The following NUP62CL variants were observed in gnomAD, a reference collection of about 807,000 sequenced individuals.
NUP62CL encodes nucleoporin-62 C-terminal-like protein.
A neutral mutation model predicts 15.3 loss-of-function variants in NUP62CL; 13 were observed. That is an observed-to-expected ratio of 0.85 (90% CI 0.55 to 1.35). The LOEUF is 1.35. Among genes scored for constraint, NUP62CL ranks in the 40% most tolerant of loss-of-function variants. The probability of loss-of-function intolerance (pLI) is 0.00; values close to 1 mark genes in which losing one functional copy is unlikely to be tolerated. For missense variants in NUP62CL, 123 were observed against 130.6 expected (o/e 0.94, Z 0.28); for synonymous variants, 54 against 49.2 (o/e 1.10, Z -0.41).
In NUP62CL at chrX:107,147,751, C is replaced by T. The variant is rs1054464668; in HGVS notation, c.*34G>A. The T allele has an allele frequency of 9.4e-6, 11 of 1,170,611 alleles. No homozygotes were observed. Among genetic ancestry groups the T allele is most frequent in the South Asian group, 1.8e-5 (1 of 55,537 alleles). On this transcript the variant is annotated 3_prime_UTR_variant, in exon 8 of 9. Transcript: ENST00000372466. ...TACAAGCAAACTCCCACCTGAATTC[C>T]GATCAATCCACTGCAGGGAGTCCAT...
intron 8 of NUP62CL, among the ~76,000 whole-genome samples, chrX:107,137,069 CATAAA>C (rs1417955298): frequency 9.0e-6 from 1 of 111,633 alleles, no homozygotes; most frequent in African/African-American, 3.3e-5. Flanking sequence ...TGTCTCAAAA[CATAAA>C]ATAAAATAAA....
chrX:107,153,202 A>G lies in NUP62CL; in HGVS notation c.500T>C (p.Leu167Pro). The stretch of plus-strand genomic sequence containing the variant: ...CACATGCTCCTCATCTGCATCCTGC[A>G]GATAATGAAGTCCACTCTGGTCACG... Reference protein sequence around the residue: ...STRDQSGLHYLQDADEEHVEI... With the variant: ...STRDQSGLHYPQDADEEHVEI... Residue 167 changes from leucine (L) to proline (P), a missense_variant, in exon 7 of 9, where the codon CTG becomes CCG. Coordinates refer to ENST00000372466, the MANE Select transcript of NUP62CL (RefSeq NM_017681.3). The G allele has an allele frequency of 8.3e-7, 1 of 1,206,363 alleles. No homozygotes were observed. Among genetic ancestry groups the G allele is most frequent in the Non-Finnish European group, 1.1e-6 (1 of 893,621 alleles).
At chrX:107,204,842 T>G (rs1318271271) in intron 1 of NUP62CL, among the ~76,000 whole-genome samples, 2 of 73,894 alleles carry the variant, frequency 2.7e-5, no homozygotes, top group African/African-American at 1.7e-4. Flanking sequence ...TTTAAATAAA[T>G]TATTTATTTA....
intron 4 of NUP62CL, among the ~76,000 whole-genome samples, chrX:107,162,538 T>G (rs1271768301): frequency 9.0e-6 from 1 of 111,673 alleles, no homozygotes; most frequent in African/African-American, 3.3e-5. Context: ...GACACCAGAT[T>G]TCTCGTCTAA....
At chrX:107,173,556 C>T (rs1926699122) in intron 3 of NUP62CL, among the ~76,000 whole-genome samples, 2 of 111,925 alleles carry the variant, frequency 1.8e-5, no homozygotes, top group South Asian at 7.6e-4. Context: ...CAAGTTTTGA[C>T]TGAACATGGA....
chrX:107,150,738 G>T (rs1005534456), intron 7 of NUP62CL: 2 of 280,202 alleles, frequency 7.1e-6, no homozygotes, highest in Non-Finnish European at 1.4e-5. Flanking sequence ...GCCTAAAACA[G>T]TTCTCTTGCC....
intron 2 of NUP62CL, among the ~76,000 whole-genome samples, chrX:107,185,353 TTTC>T (rs1205785223): frequency 1.8e-5 from 2 of 111,513 alleles, no homozygotes; most frequent in African/African-American, 6.5e-5. Flanking sequence ...TACCTTCAGT[TTTC>T]TTAATTATGT....
At chrX:107,133,260 T>C (rs1480459057) in intron 8 of NUP62CL, among the ~76,000 whole-genome samples, 1 of 111,579 alleles carries the variant, frequency 9.0e-6, no homozygotes, top group East Asian at 2.8e-4. Flanking sequence ...CCTGCTGTCT[T>C]CCATTCCTAC....
chrX:107,175,542 T>TAC (rs1390133680), intron 2 of NUP62CL, among the ~76,000 whole-genome samples: 3 of 111,886 alleles, frequency 2.7e-5, no homozygotes, highest in African/African-American at 9.7e-5. Flanking sequence ...AGCAAAAAGT[T>TAC]ACTTTTTTTT....
chrX:107,177,474 A>G (rs999969956), intron 2 of NUP62CL, among the ~76,000 whole-genome samples: 2 of 111,668 alleles, frequency 1.8e-5, no homozygotes, highest in African/African-American at 6.5e-5. Context: ...CCTTGAGATT[A>G]TCCTGAATTA....
intron 8 of NUP62CL, among the ~76,000 whole-genome samples, chrX:107,145,762 G>T (rs1448700434): frequency 9.0e-6 from 1 of 111,540 alleles, no homozygotes. Context: ...AGGGTAACAA[G>T]GTAGACTTGA....
intron 1 of NUP62CL, among the ~76,000 whole-genome samples, chrX:107,194,476 T>G (rs2147817179): frequency 8.9e-6 from 1 of 111,966 alleles, no homozygotes; most frequent in African/African-American, 3.2e-5. Context: ...TGTGAACTTA[T>G]AATTCTATCC....
intron 1 of NUP62CL, among the ~76,000 whole-genome samples, chrX:107,201,859 GC>G (rs771596738): frequency 8.1e-5 from 9 of 110,908 alleles, no homozygotes; most frequent in Admixed American, 4.8e-4. Context: ...GATCACTTGG[GC>G]CCAAGAGGTG....
At chrX:107,176,159 A>G (rs1454312695) in intron 2 of NUP62CL, among the ~76,000 whole-genome samples, 1 of 111,563 alleles carries the variant, frequency 9.0e-6, no homozygotes, top group Non-Finnish European at 1.9e-5. Flanking sequence ...TTTATTTGAA[A>G]CAGAGTGTGA....
At chrX:107,132,934 G>A (rs1925555325) in intron 8 of NUP62CL, among the ~76,000 whole-genome samples, 1 of 112,201 alleles carries the variant, frequency 8.9e-6, no homozygotes, top group African/African-American at 3.2e-5. Context: ...GGTGAAAAGT[G>A]TGACAACGGG....
At position 107,167,220 on chromosome X, in the gene NUP62CL, T is replaced by C. The variant is rs1377702965; in HGVS notation, c.194+429A>G. The stretch of plus-strand genomic sequence containing the variant: ...AGCTTGACTGTCTGAATTTTAATCC[T>C]GGCTCAACCATTAACAAGTATGCGA... On this transcript the variant is annotated intron_variant, in intron 4 of 8. Transcript: ENST00000372466. Among the ~76,000 whole-genome samples, 8 of 112,117 alleles carry C rather than the reference T, an allele frequency of 7.1e-5. No homozygotes were observed. The Admixed American group carries it at 7.6e-4, about 11-fold the overall frequency.
intron 3 of NUP62CL, among the ~76,000 whole-genome samples, chrX:107,171,132 A>C (rs1175605052): frequency 8.9e-6 from 1 of 112,467 alleles, no homozygotes; most frequent in Non-Finnish European, 1.9e-5. Flanking sequence ...TTTGCTGATT[A>C]TATCTAGGGC....
chrX:107,157,374 G>A (rs1926227621), intron 4 of NUP62CL, among the ~76,000 whole-genome samples: 1 of 109,196 alleles, frequency 9.2e-6, no homozygotes, highest in Non-Finnish European at 1.9e-5. Flanking sequence ...AGGGCAGCCA[G>A]AGAGAAAGGT....
intron 1 of NUP62CL, among the ~76,000 whole-genome samples, chrX:107,203,882 A>G (rs1245877377): frequency 9.0e-6 from 1 of 111,398 alleles, no homozygotes; most frequent in Admixed American, 9.6e-5. Flanking sequence ...TTATTTAACC[A>G]GTGTTTTAAA....
Sources: allele counts gnomAD v4.1 joint callset (sites outside exome capture counted in the v4.1 genomes callset), GRCh38; gene constraint gnomAD v4.1.1; transcripts MANE v1.5; gene names NCBI Gene and HGNC (gene_info 2026-07-23, HGNC 2026-07-21).